Variants in SLC22A12 observed in about 807,000 individuals in gnomAD.
SLC22A12 encodes the protein solute carrier family 22 member 12.
SLC22A12 carries 56 observed loss-of-function variants against 52.7 expected under a neutral mutation model. The ratio of observed to expected loss-of-function variants is 1.06; its 90% CI spans 0.86 to 1.33. The LOEUF (loss-of-function observed/expected upper bound fraction) is 1.33, where lower values mean the gene tolerates loss of function less well. Ranked by LOEUF, SLC22A12 falls within the 40% of genes most tolerant of loss-of-function variation. SLC22A12 has a pLI of 0.00. For missense variants in SLC22A12, 683 were observed against 741.5 expected (o/e 0.92, Z 0.92); for synonymous variants, 337 against 324.6 (o/e 1.04, Z -0.41).
chr11:64,597,752 G>A (rs1048206725), intron 4 of SLC22A12, among the ~76,000 whole-genome samples: 1 of 152,102 alleles, frequency 6.6e-6, no homozygotes, highest in African/African-American at 2.4e-5. Flanking sequence ...TAGAGTGGTG[G>A]GCATGGCAGG....
intron 6 of SLC22A12, 85 bp from the exon 7 acceptor site, chr11:64,599,591 G>GCCCCCCCCCCCCCTTGTTGCC: frequency 1.6e-6 from 1 of 617,180 alleles, no homozygotes; most frequent in Non-Finnish European, 2.4e-6. Flanking sequence ...CCCACCCTGA[G>GCCCCCCCCCCCCCTTGTTGCC]CCCCCACCGC....
In SLC22A12 at chr11:64,601,801, C is replaced by CCCTGA. The variant is rs796318558; in HGVS notation, c.*254_*255insACCTG. On this transcript the variant is annotated 3_prime_UTR_variant, in exon 10 of 10. Transcript: ENST00000377574. ...GGTGACCCAGTGCACCATCACCCTG[C>CCCTGA]CCTGCCCTCGTGGCTTCGGAGAGCA... 18 of 493,676 alleles carry CCCTGA rather than the reference C, an allele frequency of 3.6e-5. No homozygotes were observed. Among genetic ancestry groups the CCCTGA allele is most frequent in the African/African-American group, 3.3e-4 (17 of 51,018 alleles). 30.6% of individuals were successfully genotyped at this position (493,676 alleles called of 1,614,324 possible).
At chr11:64,601,355 A>G in intron 9 of SLC22A12, 133 bp from the exon 10 acceptor site, 3 of 873,230 alleles carry the variant, frequency 3.4e-6, no homozygotes, top group South Asian at 2.9e-5. Context: ...AACCCATCAC[A>G]TGCTCGGGAG....
intron 4 of SLC22A12, among the ~76,000 whole-genome samples, chr11:64,595,178 TG>T (rs1196493302): frequency 1.4e-5 from 2 of 138,286 alleles, no homozygotes; most frequent in African/African-American, 2.8e-5. Flanking sequence ...GATGGATGGA[TG>T]GATGGATGGA....
At chr11:64,599,028 C>T in intron 6 of SLC22A12, 105 bp downstream of exon 6, 1 of 1,466,318 alleles carries the variant, frequency 6.8e-7, no homozygotes, top group Middle Eastern at 2.3e-4. Context: ...TCCCACTGGC[C>T]TGCAACACCG....
chr11:64,595,950 GGATGGATGGATGGATGGA>G (rs2039182928), intron 4 of SLC22A12, among the ~76,000 whole-genome samples: 1 of 71,192 alleles, frequency 1.4e-5, no homozygotes, highest in Non-Finnish European at 4.3e-5. Context: ...ATGGATGGAT[GGATGGATGGATGGATGGA>G]ATGGATGGAT....
intron 8 of SLC22A12, 70 bp from the exon 9 acceptor site, chr11:64,600,665 T>C: frequency 6.3e-7 from 1 of 1,595,672 alleles, no homozygotes; most frequent in South Asian, 1.1e-5. Flanking sequence ...CAAGCGGGCC[T>C]GGCCCGGCGT....
intron 9 of SLC22A12, among the ~76,000 whole-genome samples, 177 bp from the exon 10 acceptor site, chr11:64,601,311 T>C (rs2039446820): frequency 6.6e-6 from 1 of 152,044 alleles, no homozygotes; most frequent in African/African-American, 2.4e-5. Flanking sequence ...AAAGCCCTGA[T>C]GGCTGGCAGG....
chr11:64,593,587 G>A (rs771943340), intron 3 of SLC22A12, 28 bp downstream of exon 3: 7 of 1,614,132 alleles, frequency 4.3e-6, no homozygotes, highest in Non-Finnish European at 5.9e-6. Context: ...CGCCATGCAG[G>A]GGGGCTCCAT....
In SLC22A12 at chr11:64,598,849, G is replaced by C; in HGVS notation, c.996G>C (p.Gln332His). The change falls in exon 6 of 10, where the codon CAG becomes CAC. Residue 332 changes from glutamine (Q) to histidine (H), a missense_variant. Transcript: ENST00000377574. ...TGCGGGAGGAGCTGAGCATGGGCCA[G>C]CCTCCTGCCAGCCTGGGCACCCTGC... The part of the protein sequence containing the change: ...SAMREELSMG[Q>H]PPASLGTLLR... 2 of 1,612,738 alleles carry C rather than the reference G, an allele frequency of 1.2e-6. No homozygotes were observed. The highest frequency in any genetic ancestry group is 1.7e-5 in the Admixed American group (1 of 60,016).
intron 4 of SLC22A12, among the ~76,000 whole-genome samples, chr11:64,598,108 G>C (rs1432927481): frequency 6.6e-6 from 1 of 152,066 alleles, no homozygotes; most frequent in African/African-American, 2.4e-5. Context: ...TCGCCTTGGA[G>C]ATGGCCAAGG....
At chr11:64,592,950 G>C (rs1043162899) in intron 2 of SLC22A12, 68 bp downstream of exon 2, 2 of 1,425,614 alleles carry the variant, frequency 1.4e-6, no homozygotes, top group African/African-American at 2.8e-5. Context: ...GACCCTGGCC[G>C]ACTGGCCCCA....
In SLC22A12 at chr11:64,600,837, G is replaced by T; in HGVS notation, c.1497G>T (p.Leu499=). Residue 499 remains leucine (L), a synonymous_variant, in exon 9 of 10, where the codon CTG becomes CTT. Transcript: ENST00000377574. ...LGVHGPWLPL[L]VYGTVPVLSG... ...TCCATGGCCCCTGGCTGCCCTTGCT[G>T]GTGTATGGGACGGTGCCAGTGCTGA... 2 of 1,608,082 alleles carry T rather than the reference G, an allele frequency of 1.2e-6. No homozygotes were observed.
Position 64,599,910 on chromosome 11 carries a change from C to T in SLC22A12, c.1285+20C>T. ...CCCACGGTGAGGGGGCAAAGCTGTA[C>T]ACCAGAGACTTCCCTACCTTGGGGG... On this transcript the variant is annotated intron_variant, in intron 7 of 9. Coordinates refer to ENST00000377574, the MANE Select transcript of SLC22A12 (RefSeq NM_144585.4). 3 of 1,609,000 alleles carry T rather than the reference C, an allele frequency of 1.9e-6. No homozygotes were observed. Among genetic ancestry groups the T allele is most frequent in the Non-Finnish European group, 2.5e-6 (3 of 1,178,148 alleles).
chr11:64,591,278 G>C lies in SLC22A12; in HGVS notation c.-279G>C. ...CCTACTTTCCAAATTCAGCTTTCCC[G>C]GGAGGTCTGGAGCAGCTGCCTCTCT... is the stretch of plus-strand genomic sequence containing the variant. On this transcript the variant is annotated 5_prime_UTR_variant, in exon 1 of 10. Coordinates refer to ENST00000377574, the MANE Select transcript of SLC22A12 (RefSeq NM_144585.4). The C allele has an allele frequency of 2.0e-6, 1 of 492,206 alleles. No individual in the cohort carries two copies. Among genetic ancestry groups the C allele is most frequent in the South Asian group, 3.1e-5 (1 of 32,730 alleles). 30.5% of individuals were successfully genotyped at this position (492,206 alleles called of 1,614,324 possible).
At position 64,601,689 on chromosome 11, in the gene SLC22A12, T is replaced by A; in HGVS notation, c.*138T>A. The A allele has an allele frequency of 1.1e-6, 1 of 951,748 alleles. No individual in the cohort carries two copies. Among genetic ancestry groups the A allele is most frequent in the Non-Finnish European group, 1.6e-6 (1 of 610,746 alleles). 59.0% of individuals were successfully genotyped at this position (951,748 alleles called of 1,614,324 possible). On this transcript the variant is annotated 3_prime_UTR_variant, in exon 10 of 10. Coordinates refer to ENST00000377574, the MANE Select transcript of SLC22A12 (RefSeq NM_144585.4). ...TGAGGTCCCCACTCTCCCCCAGGGC[T>A]GCCCCTCCAGGTGAGCCCTGCCCCT...
rs754860350 is a variant in SLC22A12 at position 64,598,908 on chromosome 11, T to C, written c.1055T>C (p.Ile352Thr). The C allele has an allele frequency of 8.7e-6, 14 of 1,612,820 alleles. No homozygotes were observed. Among genetic ancestry groups the C allele is most frequent in the Non-Finnish European group, 1.1e-5 (13 of 1,179,960 alleles). Residue 352 changes from isoleucine to threonine, a missense_variant, in exon 6 of 10, where the codon ATC (isoleucine) becomes ACC (threonine). Ile to Thr is a moderately conservative substitution (Grantham distance 89, BLOSUM62 -1). Transcript: ENST00000377574. Reference protein sequence around the residue: ...RMPGLRFRTCISTLCWFAFGF... With the variant: ...RMPGLRFRTCTSTLCWFAFGF... Reference sequence around the variant, plus strand: ...CCCGGACTGCGCTTCCGGACCTGTATCTCCACGTTGTGCTGGTAGATGCCC... The same window carrying C: ...CCCGGACTGCGCTTCCGGACCTGTACCTCCACGTTGTGCTGGTAGATGCCC...
At position 64,593,771 on chromosome 11, in the gene SLC22A12, G is replaced by C; in HGVS notation, c.798G>C (p.Ser266=). 1 of 1,610,662 alleles carries C rather than the reference G, an allele frequency of 6.2e-7. No individual in the cohort carries two copies. The highest frequency in any genetic ancestry group is 1.1e-5 in the South Asian group (1 of 91,074). Residue 266 remains serine (S), a synonymous_variant, in exon 4 of 10, where the codon TCG becomes TCC. Coordinates refer to ENST00000377574, the MANE Select transcript of SLC22A12 (RefSeq NM_144585.4). The stretch of plus-strand genomic sequence containing the variant: ...GGACACTGCTGCAGCTGGTGGTCTC[G>C]GTCCCCTTCTTCCTCTGCTTTTTGT... ...RDWTLLQLVV[S]VPFFLCFLYS... is the part of the protein sequence containing the mutation.
rs1257356356 is a variant in SLC22A12, at chr11:64,598,645, G to T, written c.954+6G>T. ...AGGACACCCTGACCCCTGAGGTAAG[G>T]CTGGGTCCTCCTCAAACCCGGACCC... On this transcript the variant is annotated splice_donor_region_variant and intron_variant, in intron 5 of 9. Coordinates refer to ENST00000377574, the MANE Select transcript of SLC22A12 (RefSeq NM_144585.4). The T allele has an allele frequency of 6.2e-7, 1 of 1,609,736 alleles. No individual in the cohort carries two copies. Among genetic ancestry groups the T allele is most frequent in the Admixed American group, 1.7e-5 (1 of 59,646 alleles).
Sources: gnomAD v4.1 joint callset for allele counts (sites outside exome capture counted in the v4.1 genomes callset) on GRCh38, gnomAD v4.1.1 for gene constraint, MANE v1.5 for transcripts, NCBI Gene and HGNC (gene_info 2026-07-23, HGNC 2026-07-21) for gene names.